The following CACNA1A variants were observed in gnomAD, a reference collection of about 807,000 sequenced individuals.
CACNA1A encodes voltage-dependent P/Q-type calcium channel subunit alpha-1A.
A neutral mutation model predicts 262.4 loss-of-function variants in CACNA1A; 57 were observed. The ratio of observed to expected loss-of-function variants is 0.22; its 90% CI spans 0.18 to 0.27. CACNA1A has a LOEUF of 0.27. Ranked by LOEUF, CACNA1A falls within the 10% of genes least tolerant of loss-of-function variation. The probability of loss-of-function intolerance (pLI) is 1.00; values close to 1 mark genes in which losing one functional copy is unlikely to be tolerated. For synonymous variants in CACNA1A, 1,431 were observed against 1,419.3 expected, an observed-to-expected ratio of 1.01 and a Z score of -0.18; for missense variants, 2,526 against 3,562.8, an observed-to-expected ratio of 0.71 and a Z score of 7.41.
intron 24 of CACNA1A, among the ~76,000 whole-genome samples, chr19:13,267,821 C>T (rs1304037050): frequency 1.3e-5 from 2 of 151,778 alleles, no homozygotes; most frequent in Admixed American, 6.6e-5. Flanking sequence ...CCCTCTGTTG[C>T]CCAGGCTGCA....
Position 13,409,048 on chromosome 19 carries a change from G to A in CACNA1A, c.540-37269C>T, listed in dbSNP as rs530640114. ...TCGTGGGGGCCTTCCCATTCAGCAC[G>A]TCTCCGTGGCAACAGGCCACTTTCT... On this transcript the variant is annotated intron_variant, in intron 3 of 46. Transcript: ENST00000360228. Among the ~76,000 whole-genome samples, 6 of 152,272 alleles carry A rather than the reference G, an allele frequency of 3.9e-5. No individual in the cohort carries two copies. The East Asian group carries it at 5.8e-4, about 15-fold the overall frequency.
intron 3 of CACNA1A, among the ~76,000 whole-genome samples, chr19:13,402,803 T>TATACACAC (rs2059923115): frequency 8.3e-6 from 1 of 119,810 alleles, no homozygotes; most frequent in Non-Finnish European, 1.6e-5. Context: ...TATACACACA[T>TATACACAC]ATATATATAC....
chr19:13,287,065 A>AT, intron 19 of CACNA1A, 99 bp from the exon 20 acceptor site: 1 of 1,071,748 alleles, frequency 9.3e-7, no homozygotes, highest in Non-Finnish European at 1.3e-6. Context: ...CAAGAGTACA[A>AT]TTTGGGCTGG....
At chr19:13,276,063 C>T in intron 23 of CACNA1A, 107 bp from the exon 24 acceptor site, 3 of 679,900 alleles carry the variant, frequency 4.4e-6, no homozygotes, top group African/African-American at 1.8e-5. Flanking sequence ...GCCAATGAGG[C>T]CACCTCATCT....
At chr19:13,309,853 T>C (rs867882268) in intron 12 of CACNA1A, among the ~76,000 whole-genome samples, 4 of 152,192 alleles carry the variant, frequency 2.6e-5, no homozygotes, top group African/African-American at 7.2e-5. Context: ...ATTCACACTT[T>C]GAATTACACA....
At chr19:13,356,968 A>G (rs2059016520) in intron 6 of CACNA1A, among the ~76,000 whole-genome samples, 2 of 152,188 alleles carry the variant, frequency 1.3e-5, no homozygotes, top group African/African-American at 2.4e-5. Flanking sequence ...TTAGAACACC[A>G]TGTCCCTTCC....
At chr19:13,427,396 G>A (rs1236814409) in intron 3 of CACNA1A, among the ~76,000 whole-genome samples, 1 of 151,876 alleles carries the variant, frequency 6.6e-6, no homozygotes, top group African/African-American at 2.4e-5. Flanking sequence ...AGGTTGCAGT[G>A]AGCCGAGATC....
In CACNA1A at chr19:13,261,687, C is replaced by T; in HGVS notation, c.4090-77G>A. On this transcript the variant is annotated intron_variant, in intron 25 of 46. Transcript: ENST00000360228. ...TTCTGCCTCCAGTGGCCCATCATAC[C>T]AAAATACTGCCATGATCATTCCCAT... 4 of 1,359,878 alleles carry T rather than the reference C, an allele frequency of 2.9e-6. No individual in the cohort carries two copies. In the Admixed American group the frequency reaches 7.8e-5, roughly 27 times the overall value. 84.2% of individuals were successfully genotyped at this position (1,359,878 alleles called of 1,614,324 possible).
intron 6 of CACNA1A, among the ~76,000 whole-genome samples, chr19:13,338,140 A>AGAAGGCGGAGCTTGCAGTGAGCG (rs1193359944): frequency 1.3e-5 from 2 of 152,164 alleles, no homozygotes; most frequent in Non-Finnish European, 2.9e-5. Flanking sequence ...GCGTGAACCC[A>AGAAGGCGGAGCTTGCAGTGAGCG]GAAGGCGGAG....
At position 13,306,384 on chromosome 19, in the gene CACNA1A, C is replaced by CT. The variant is rs1008598709; in HGVS notation, c.1986+1397dup. Among the ~76,000 whole-genome samples, 29 of 151,966 alleles carry CT rather than the reference C, an allele frequency of 1.9e-4. No individual in the cohort carries two copies. In the East Asian group the frequency reaches 1.9e-3, roughly 10 times the overall value. ...TGTATTAGCCATTTTTTTTCTCTGC[C>CT]TTTTTTTTAAGAGACAGGGCCTTGC... On this transcript the variant is annotated intron_variant, in intron 15 of 46. Transcript: ENST00000360228.
At chr19:13,470,085 T>A (rs558535658) in intron 1 of CACNA1A, among the ~76,000 whole-genome samples, 1 of 152,234 alleles carries the variant, frequency 6.6e-6, no homozygotes, top group Non-Finnish European at 1.5e-5. Flanking sequence ...CAGCATCCTA[T>A]ATCAGAGAAG....
intron 2 of CACNA1A, among the ~76,000 whole-genome samples, chr19:13,454,249 T>G (rs1452115891): frequency 2.0e-5 from 3 of 151,534 alleles, no homozygotes; most frequent in Non-Finnish European, 4.4e-5. Flanking sequence ...CATGCCTTGG[T>G]CTTTCTGGTG....
intron 3 of CACNA1A, among the ~76,000 whole-genome samples, chr19:13,427,453 AAAATAAATAAATAAATAAAT>A (rs58681300): frequency 7.3e-5 from 10 of 136,186 alleles, no homozygotes; most frequent in African/African-American, 2.8e-4. Flanking sequence ...ACTCCATCTC[AAAATAAATAAATAAATAAAT>A]AAATAAATAA....
At chr19:13,389,978 A>T (rs995707362) in intron 3 of CACNA1A, among the ~76,000 whole-genome samples, 3 of 151,272 alleles carry the variant, frequency 2.0e-5, no homozygotes, top group African/African-American at 4.9e-5. Flanking sequence ...ATGCCTGGCT[A>T]ATTTTTTTTT....
chr19:13,268,892 ACTTT>A (rs1270994269), intron 24 of CACNA1A, among the ~76,000 whole-genome samples: 1 of 96,034 alleles, frequency 1.0e-5, no homozygotes, highest in Non-Finnish European at 1.9e-5. Context: ...TATAGATTCT[ACTTT>A]TTTTTTTTTT....
intron 15 of CACNA1A, 140 bp downstream of exon 15, chr19:13,307,642 C>A: frequency 1.5e-6 from 1 of 666,686 alleles, no homozygotes; most frequent in South Asian, 1.9e-5. Context: ...TAATGATAAC[C>A]ATAAAATCTG....
chr19:13,307,796 T>G lies in CACNA1A; in HGVS notation c.1972A>C (p.Met658Leu). The change falls in exon 15 of 47, where the codon ATG (methionine) becomes CTG (leucine). Residue 658 changes from methionine to leucine, a missense_variant. Transcript: ENST00000360228. ...GGAGGCTGTACCTGAAACACCGTCA[T>G]TATTGCTGCTGGAAAAGTATCGAAG... is the stretch of plus-strand genomic sequence containing the variant. ...TNFDTFPAAI[M>L]TVFQILTGED... 6.2e-7 allele frequency: 1 copy of G among 1,613,868 alleles called. No homozygotes were observed. Among genetic ancestry groups the G allele is most frequent in the Admixed American group, 1.7e-5 (1 of 60,020 alleles).
At chr19:13,429,834 G>A (rs1020188939) in intron 3 of CACNA1A, among the ~76,000 whole-genome samples, 1 of 151,746 alleles carries the variant, frequency 6.6e-6, no homozygotes. Flanking sequence ...GAGACTGGAG[G>A]ACATTATGCT....
chr19:13,208,952 C>G lies in CACNA1A; in HGVS notation c.6584G>C (p.Arg2195Pro). 6.5e-7 allele frequency: 1 copy of G among 1,537,592 alleles called. No individual in the cohort carries two copies. The highest frequency in any genetic ancestry group is 1.7e-4 in the Middle Eastern group (1 of 5,980). ...TQSGDLPSKE[R>P]DQERGRPKDR... ...CTTGGGCCGGCCCCGCTCCTGGTCC[C>G]GCTCCTTCGACGGCAGGTCCCCGGA... is the stretch of plus-strand genomic sequence containing the variant. Residue 2195 changes from arginine (R) to proline (P), a missense_variant, in exon 46 of 47, where the codon CGG (arginine) becomes CCG (proline). Transcript: ENST00000360228.
Sources: gnomAD v4.1 joint callset for allele counts (sites outside exome capture counted in the v4.1 genomes callset) on GRCh38, gnomAD v4.1.1 for gene constraint, MANE v1.5 for transcripts, NCBI Gene and HGNC (gene_info 2026-07-23, HGNC 2026-07-21) for gene names.